AUH: variants seen among roughly 807,000 people sequenced by gnomAD.
AUH encodes the protein methylglutaconyl-CoA hydratase, mitochondrial.
Under a neutral mutation model 42.3 loss-of-function variants are expected in AUH, and 29 were observed. The ratio of observed to expected loss-of-function variants is 0.69; its 90% CI spans 0.51 to 0.93. The LOEUF (loss-of-function observed/expected upper bound fraction) is 0.93, where lower values mean the gene tolerates loss of function less well. Among genes scored for constraint, AUH ranks in the 40% least tolerant of loss-of-function variants. The pLI, the probability that AUH is intolerant of heterozygous loss-of-function variation, is 0.00. For missense variants in AUH, 452 were observed against 438.1 expected (o/e 1.03, Z -0.28); for synonymous variants, 174 against 166.4 (o/e 1.05, Z -0.35).
chr9:91,286,961 A>G (rs372182027), intron 6 of AUH, among the ~76,000 whole-genome samples: 1 of 152,140 alleles, frequency 6.6e-6, no homozygotes, highest in African/African-American at 2.4e-5. Context: ...CACACACACT[A>G]ATGAGTATAT....
chr9:91,331,716 C>T (rs924790319), intron 3 of AUH, among the ~76,000 whole-genome samples: 1 of 152,204 alleles, frequency 6.6e-6, no homozygotes, highest in Non-Finnish European at 1.5e-5. Context: ...TAAATTCCTT[C>T]TTTTAAATAT....
At chr9:91,350,235 A>G (rs1448339904) in intron 3 of AUH, among the ~76,000 whole-genome samples, 1 of 152,216 alleles carries the variant, frequency 6.6e-6, no homozygotes, top group Non-Finnish European at 1.5e-5. Flanking sequence ...GGCCACTAAA[A>G]TGTCTAAGTG....
At chr9:91,354,042 T>A (rs1832216749) in intron 3 of AUH, among the ~76,000 whole-genome samples, 1 of 150,748 alleles carries the variant, frequency 6.6e-6, no homozygotes, top group East Asian at 2.0e-4. Flanking sequence ...GTGGCGGGCA[T>A]CTGTAATCCC....
At chr9:91,321,929 C>A (rs933777764) in intron 4 of AUH, among the ~76,000 whole-genome samples, 1 of 152,120 alleles carries the variant, frequency 6.6e-6, no homozygotes, top group African/African-American at 2.4e-5. Flanking sequence ...ATAAAACCTA[C>A]AATATTTACT....
At chr9:91,250,002 C>T (rs564414577) in intron 6 of AUH, among the ~76,000 whole-genome samples, 35 of 144,074 alleles carry the variant, frequency 2.4e-4, no homozygotes, top group African/African-American at 9.4e-4. Flanking sequence ...CAGAGTGAGA[C>T]TCCGTCTCAA....
chr9:91,229,611 T>C (rs1827743974), intron 6 of AUH, among the ~76,000 whole-genome samples: 1 of 152,024 alleles, frequency 6.6e-6, no homozygotes, highest in African/African-American at 2.4e-5. Context: ...TGTTAGCTGG[T>C]TATTTTGCTC....
chr9:91,305,422 G>A (rs1314523523), intron 4 of AUH, among the ~76,000 whole-genome samples: 3 of 152,166 alleles, frequency 2.0e-5, no homozygotes, highest in African/African-American at 7.2e-5. Flanking sequence ...GTAAACTGGT[G>A]AAGTCCTAAA....
intron 3 of AUH, among the ~76,000 whole-genome samples, chr9:91,351,738 C>T (rs1392603385): frequency 6.6e-6 from 1 of 152,150 alleles, no homozygotes; most frequent in Admixed American, 6.5e-5. Context: ...CCGTGAACTA[C>T]GCATGCGAGG....
intron 4 of AUH, among the ~76,000 whole-genome samples, chr9:91,319,149 G>C (rs969933877): frequency 1.3e-5 from 2 of 151,966 alleles, no homozygotes; most frequent in African/African-American, 4.8e-5. Flanking sequence ...CCACTGTAAA[G>C]AGCACGGCCT....
intron 6 of AUH, among the ~76,000 whole-genome samples, chr9:91,265,522 A>C (rs1829927906): frequency 6.6e-6 from 1 of 152,166 alleles, no homozygotes; most frequent in East Asian, 1.9e-4. Context: ...TAGTAACACC[A>C]GGAGAGTGGG....
intron 6 of AUH, among the ~76,000 whole-genome samples, chr9:91,258,052 G>T (rs1011240009): frequency 2.0e-5 from 3 of 152,032 alleles, no homozygotes; most frequent in Admixed American, 6.6e-5. Context: ...ACTTTGCAAT[G>T]GTCATTGCTA....
intron 3 of AUH, among the ~76,000 whole-genome samples, chr9:91,355,665 A>AT (rs1156726087): frequency 6.6e-6 from 1 of 152,050 alleles, no homozygotes. Flanking sequence ...TGGCTCAAAG[A>AT]TTTTTTTTCA....
chr9:91,254,133 G>A (rs781194461), intron 6 of AUH, among the ~76,000 whole-genome samples: 3 of 152,152 alleles, frequency 2.0e-5, no homozygotes, highest in East Asian at 1.9e-4. Flanking sequence ...GGCCTCTCCC[G>A]GAAAGCAGAC....
chr9:91,267,633 T>C (rs77262414), intron 6 of AUH, among the ~76,000 whole-genome samples: 3,778 of 152,256 alleles, frequency 0.025, 76 homozygotes, highest in East Asian at 0.058. Context: ...TTGGTAGTGG[T>C]TGCAACTGAA....
At chr9:91,257,383 T>C (rs765137549) in intron 6 of AUH, among the ~76,000 whole-genome samples, 21 of 151,066 alleles carry the variant, frequency 1.4e-4, no homozygotes, top group Non-Finnish European at 3.1e-4. Flanking sequence ...ACAGAAACCA[T>C]AGGAGAGCCA....
chr9:91,321,940 ATATGACCCTTCAAGATAAAGCC>A (rs1339123045), intron 4 of AUH, among the ~76,000 whole-genome samples: 1 of 152,202 alleles, frequency 6.6e-6, no homozygotes. Context: ...AATATTTACT[ATATGACCCTTCAAGATAAAGCC>A]TGCCTGCCTG....
intron 4 of AUH, among the ~76,000 whole-genome samples, chr9:91,301,600 T>C (rs1435984016): frequency 6.6e-6 from 1 of 152,144 alleles, no homozygotes; most frequent in African/African-American, 2.4e-5. Flanking sequence ...TGTGTGCCCT[T>C]GAGAAGCTTA....
At chr9:91,231,817 TACG>T (rs568217537) in intron 6 of AUH, among the ~76,000 whole-genome samples, 55 of 152,204 alleles carry the variant, frequency 3.6e-4, no homozygotes, top group Admixed American at 3.1e-3. Flanking sequence ...ACTCAGGGAT[TACG>T]ACATCAGCAA....
At chr9:91,261,118 T>A (rs1157885391) in intron 6 of AUH, among the ~76,000 whole-genome samples, 2 of 152,228 alleles carry the variant, frequency 1.3e-5, no homozygotes, top group African/African-American at 4.8e-5. Context: ...TTCTACTGAC[T>A]GCTTCTGCTC....
Sources: gnomAD v4.1 joint callset for allele counts (sites outside exome capture counted in the v4.1 genomes callset) on GRCh38, gnomAD v4.1.1 for gene constraint, MANE v1.5 for transcripts, NCBI Gene and HGNC (gene_info 2026-07-23, HGNC 2026-07-21) for gene names.